The following CA10 variants were observed in gnomAD, a reference collection of about 807,000 sequenced individuals.
CA10 encodes carbonic anhydrase 10 (inactive).
Under a neutral mutation model 44.2 loss-of-function variants are expected in CA10, and 14 were observed. The observed-to-expected ratio is 0.32, with a 90% CI of 0.21 to 0.50. The LOEUF is 0.50. Ranked by LOEUF, CA10 falls within the 20% of genes least tolerant of loss-of-function variation. The pLI, the probability that CA10 is intolerant of heterozygous loss-of-function variation, is 0.99. For synonymous variants in CA10, 159 were observed against 141.6 expected (o/e 1.12, Z -0.87); for missense variants, 350 against 409.7 (o/e 0.85, Z 1.26).
intron 1 of CA10, among the ~76,000 whole-genome samples, chr17:52,092,364 A>G (rs985995064): frequency 2.0e-4 from 30 of 152,230 alleles, no homozygotes; most frequent in African/African-American, 4.8e-4. Flanking sequence ...GAAAAAACCA[A>G]AAACTTTTCT....
Position 52,004,133 on chromosome 17 carries a change from T to A in CA10, c.136+68186A>T, listed in dbSNP as rs567952977. Among the ~76,000 whole-genome samples, 3 of 151,924 alleles carry A rather than the reference T, an allele frequency of 2.0e-5. No individual in the cohort carries two copies. The South Asian group carries it at 6.2e-4, about 31-fold the overall frequency. ...TATCATTTGCACTGCAATTTGCCCA[T>A]CTTTACAGATCATAAAAATTCATTG... On this transcript the variant is annotated intron_variant, in intron 2 of 8. Coordinates refer to ENST00000451037, the MANE Select transcript of CA10 (RefSeq NM_020178.5).
chr17:52,129,211 C>T (rs910090807), intron 1 of CA10, among the ~76,000 whole-genome samples: 1 of 152,142 alleles, frequency 6.6e-6, no homozygotes, highest in Non-Finnish European at 1.5e-5. Context: ...TATTCATCAA[C>T]CAAACTAGCA....
intron 3 of CA10, among the ~76,000 whole-genome samples, chr17:51,749,714 G>A (rs533238235): frequency 6.6e-6 from 1 of 152,208 alleles, no homozygotes; most frequent in Non-Finnish European, 1.5e-5. Context: ...TGAACTGCAA[G>A]GTCGCCTGAG....
chr17:51,969,222 T>C (rs140400874), intron 2 of CA10, among the ~76,000 whole-genome samples: 4,043 of 152,168 alleles, frequency 0.027, 75 homozygotes, highest in Admixed American at 0.046. Flanking sequence ...AACAGTAATA[T>C]GGTTATTACA....
chr17:51,745,408 A>ATGCTTTCTTCACTCAT (rs1435816200), intron 4 of CA10, among the ~76,000 whole-genome samples: 1 of 152,288 alleles, frequency 6.6e-6, no homozygotes, highest in Admixed American at 6.5e-5. Flanking sequence ...CCCTGCTTAC[A>ATGCTTTCTTCACTCAT]TGCTTTCTTC....
chr17:51,750,820 T>C (rs1400436996), intron 3 of CA10, among the ~76,000 whole-genome samples: 1 of 152,230 alleles, frequency 6.6e-6, no homozygotes, highest in Admixed American at 6.5e-5. Flanking sequence ...TGGGCAAGTA[T>C]CTTGGGCTTC....
At chr17:51,899,163 T>A (rs1981203965) in intron 3 of CA10, among the ~76,000 whole-genome samples, 1 of 152,096 alleles carries the variant, frequency 6.6e-6, no homozygotes, top group Non-Finnish European at 1.5e-5. Flanking sequence ...TTTCTAAAGT[T>A]TTGATGTGGG....
At chr17:51,957,901 C>A (rs1983726758) in intron 2 of CA10, among the ~76,000 whole-genome samples, 2 of 151,924 alleles carry the variant, frequency 1.3e-5, no homozygotes. Context: ...AAACCTTTCT[C>A]ACTCCCCCCG....
intron 3 of CA10, among the ~76,000 whole-genome samples, chr17:51,859,347 G>A (rs1979198342): frequency 6.6e-6 from 1 of 152,172 alleles, no homozygotes; most frequent in Admixed American, 6.5e-5. Flanking sequence ...ATGTCTGTAA[G>A]TGAGTGACAG....
At chr17:51,868,699 A>G (rs1386037082) in intron 3 of CA10, among the ~76,000 whole-genome samples, 1 of 152,026 alleles carries the variant, frequency 6.6e-6, no homozygotes, top group East Asian at 1.9e-4. Flanking sequence ...GTATTCTGAC[A>G]TCTCCTGCTT....
intron 4 of CA10, among the ~76,000 whole-genome samples, chr17:51,703,830 TAAG>T (rs2143468002): frequency 6.6e-6 from 1 of 152,214 alleles, no homozygotes; most frequent in Admixed American, 6.5e-5. Flanking sequence ...CCAGGAAAAA[TAAG>T]GAGTCAGTGC....
intron 4 of CA10, among the ~76,000 whole-genome samples, chr17:51,707,669 A>ATGTGTGTGTGTGTGTGTGTGTGTG (rs1491192056): frequency 5.0e-5 from 2 of 39,746 alleles, no homozygotes; most frequent in East Asian, 1.4e-3. Flanking sequence ...AAGTGGATGA[A>ATGTGTGTGTGTGTGTGTGTGTGTG]TATGTGTGTG....
At chr17:51,632,253 G>T (rs72830532) in intron 8 of CA10, among the ~76,000 whole-genome samples, 19,104 of 152,202 alleles carry the variant, frequency 0.13, 1,608 homozygotes, top group Non-Finnish European at 0.18. Context: ...GTTTGGATAG[G>T]TGTCTTATCT....
chr17:52,130,117 A>T (rs1316018499), intron 1 of CA10, among the ~76,000 whole-genome samples: 1 of 152,222 alleles, frequency 6.6e-6, no homozygotes, highest in Non-Finnish European at 1.5e-5. Context: ...CACCTTATTC[A>T]TGTTAGAATG....
intron 2 of CA10, among the ~76,000 whole-genome samples, chr17:51,999,421 G>A (rs1360517117): frequency 6.6e-6 from 1 of 152,072 alleles, no homozygotes; most frequent in Non-Finnish European, 1.5e-5. Flanking sequence ...GGCCACAAGA[G>A]ACATTTTGTG....
intron 2 of CA10, among the ~76,000 whole-genome samples, chr17:52,020,816 C>G (rs1986115139): frequency 6.6e-6 from 1 of 151,992 alleles, no homozygotes; most frequent in Admixed American, 6.6e-5. Flanking sequence ...CTTCTTTACC[C>G]CCTCCAGTGT....
chr17:51,959,875 T>A (rs1394035677), intron 2 of CA10, among the ~76,000 whole-genome samples: 1 of 146,740 alleles, frequency 6.8e-6, no homozygotes. Context: ...GTCTAATATA[T>A]AATACTCAAA....
At chr17:52,092,783 GCT>G (rs1306873638) in intron 1 of CA10, among the ~76,000 whole-genome samples, 2 of 152,106 alleles carry the variant, frequency 1.3e-5, no homozygotes, top group East Asian at 3.9e-4. Context: ...TACTGTACTT[GCT>G]CTCTGAGGAT....
At chr17:51,807,174 A>T (rs1256286375) in intron 3 of CA10, among the ~76,000 whole-genome samples, 1 of 152,206 alleles carries the variant, frequency 6.6e-6, no homozygotes, top group African/African-American at 2.4e-5. Flanking sequence ...TGTAGAAAGC[A>T]ATGGTTGTCT....
Sources: gnomAD v4.1 joint callset for allele counts (sites outside exome capture counted in the v4.1 genomes callset) on GRCh38, gnomAD v4.1.1 for gene constraint, MANE v1.5 for transcripts, NCBI Gene and HGNC (gene_info 2026-07-23, HGNC 2026-07-21) for gene names.